The following SLC14A2 variants were observed in gnomAD, a reference collection of about 807,000 sequenced individuals.
SLC14A2 encodes urea transporter 2.
Under a neutral mutation model 104.6 loss-of-function variants are expected in SLC14A2, and 91 were observed. That is an observed-to-expected ratio of 0.87 (90% CI 0.73 to 1.04). SLC14A2 has a LOEUF of 1.04. Among genes scored for constraint, SLC14A2 ranks in the 50% least tolerant of loss-of-function variants. The pLI is 0.00. For missense variants in SLC14A2, 1,189 were observed against 1,156.0 expected (o/e 1.03, Z -0.41); for synonymous variants, 476 against 466.4 (o/e 1.02, Z -0.27).
intron 1 of SLC14A2, among the ~76,000 whole-genome samples, chr18:45,464,990 G>A (rs910484409): frequency 6.6e-6 from 1 of 152,184 alleles, no homozygotes; most frequent in Non-Finnish European, 1.5e-5. Context: ...AGGCAGGAGA[G>A]AAGTAGGGAA....
chr18:45,197,178 G>C, the SLC14A2 span, among the ~76,000 whole-genome samples: 1 of 152,284 alleles, frequency 6.6e-6, no homozygotes, highest in Non-Finnish European at 1.5e-5. Flanking sequence ...CTTAAGCTGG[G>C]AGTTAGTCTA....
At chr18:45,327,587 A>G (rs2085248826) in intron 1 of SLC14A2, among the ~76,000 whole-genome samples, 1 of 152,176 alleles carries the variant, frequency 6.6e-6, no homozygotes, top group South Asian at 2.1e-4. Flanking sequence ...CTCTGTCTCT[A>G]TGAATTTGAC....
intron 1 of SLC14A2, among the ~76,000 whole-genome samples, chr18:45,385,021 G>T (rs2085879335): frequency 1.3e-5 from 2 of 152,212 alleles, no homozygotes; most frequent in Non-Finnish European, 2.9e-5. Flanking sequence ...AAATGGGATA[G>T]TTGGATGTCG....
chr18:45,396,087 C>CT (rs1491400477), intron 1 of SLC14A2, among the ~76,000 whole-genome samples: 3 of 152,178 alleles, frequency 2.0e-5, no homozygotes, highest in African/African-American at 7.2e-5. Context: ...CATTCTTAAT[C>CT]TTTTTTTCAT....
rs1396421193 is a variant in SLC14A2, at chr18:45,252,735, A to AGTTAGATGT, written c.-125+39545_-125+39553dup. On this transcript the variant is annotated intron_variant, in intron 1 of 20. Transcript: ENST00000586448. The stretch of plus-strand genomic sequence containing the variant: ...TCAATTTGAGAGACATTAAAATCAA[A>AGTTAGATGT]GTTAGATGTTTCACTTCTAATTTTA... 1.1e-4 allele frequency among the ~76,000 whole-genome samples: 17 copies of AGTTAGATGT among 151,912 alleles called. 1 individual carries two copies. Among genetic ancestry groups the AGTTAGATGT allele is most frequent in the Non-Finnish European group, 8.8e-5 (6 of 67,956 alleles).
At chr18:45,275,559 C>T (rs1192065532) in intron 1 of SLC14A2, among the ~76,000 whole-genome samples, 1 of 152,114 alleles carries the variant, frequency 6.6e-6, no homozygotes, top group African/African-American at 2.4e-5. Flanking sequence ...CTTTTTAAGT[C>T]GGGGATGAAG....
chr18:45,603,346 C>T (rs2144417742), intron 2 of SLC14A2, among the ~76,000 whole-genome samples: 1 of 151,994 alleles, frequency 6.6e-6, no homozygotes, highest in African/African-American at 2.4e-5. Flanking sequence ...GTGTGGTTTC[C>T]CAGAGAGTGG....
intron 1 of SLC14A2, among the ~76,000 whole-genome samples, chr18:45,351,340 A>T (rs779130933): frequency 2.2e-4 from 33 of 151,932 alleles, no homozygotes; most frequent in Non-Finnish European, 3.7e-4. Context: ...TTTCTATTCC[A>T]CTTATGCACC....
intron 11 of SLC14A2, among the ~76,000 whole-genome samples, chr18:45,665,426 A>G (rs1479559617): frequency 6.6e-6 from 1 of 152,202 alleles, no homozygotes; most frequent in Non-Finnish European, 1.5e-5. Context: ...TTAGATCCAC[A>G]TTGCAAGAGT....
At chr18:45,632,532 G>A in intron 5 of SLC14A2, 54 bp downstream of exon 5, 1 of 1,596,196 alleles carries the variant, frequency 6.3e-7, no homozygotes, top group Non-Finnish European at 8.5e-7. Flanking sequence ...CAAGACACTT[G>A]TGTCTTATAC....
chr18:45,384,718 T>A (rs991706430), intron 1 of SLC14A2, among the ~76,000 whole-genome samples: 5 of 151,884 alleles, frequency 3.3e-5, no homozygotes, highest in Non-Finnish European at 7.4e-5. Context: ...AGTGGTGACC[T>A]GTCTTGCATC....
intron 1 of SLC14A2, among the ~76,000 whole-genome samples, chr18:45,285,030 C>CA (rs35889367): frequency 0.22 from 31,587 of 142,952 alleles, 5,451 homozygotes; most frequent in African/African-American, 0.49. Context: ...CAGGTTTGCA[C>CA]AAAAAAAAAA....
chr18:45,202,670 C>T, the SLC14A2 span, among the ~76,000 whole-genome samples: 1 of 152,140 alleles, frequency 6.6e-6, no homozygotes. Flanking sequence ...CAGCCTGGTT[C>T]TCTCTCAAAG....
At chr18:45,633,299 AC>A (rs1385176256) in intron 5 of SLC14A2, among the ~76,000 whole-genome samples, 1 of 152,222 alleles carries the variant, frequency 6.6e-6, no homozygotes, top group Non-Finnish European at 1.5e-5. Context: ...CGTAACCAAG[AC>A]CTAAAAGCTG....
At chr18:45,350,353 A>T (rs1336547324) in intron 1 of SLC14A2, among the ~76,000 whole-genome samples, 1 of 152,218 alleles carries the variant, frequency 6.6e-6, no homozygotes, top group Admixed American at 6.5e-5. Flanking sequence ...CATGGCTCAG[A>T]TACAGTTGAT....
chr18:45,616,707 A>T (rs1356448153), intron 1 of SLC14A2, among the ~76,000 whole-genome samples: 1 of 152,220 alleles, frequency 6.6e-6, no homozygotes, highest in African/African-American at 2.4e-5. Context: ...AATAATTGCA[A>T]CTGATGGAAT....
intron 1 of SLC14A2, 51 bp from the exon 2 acceptor site, chr18:45,624,580 C>T: frequency 7.0e-7 from 1 of 1,429,044 alleles, no homozygotes; most frequent in Admixed American, 2.0e-5. Context: ...CAGCCAAGTC[C>T]CTCTGGGCCC....
At chr18:45,186,257 G>C in the SLC14A2 span, among the ~76,000 whole-genome samples, 1 of 152,140 alleles carries the variant, frequency 6.6e-6, no homozygotes, top group African/African-American at 2.4e-5. Context: ...TATAATACTG[G>C]TTTAAAGATA....
chr18:45,325,207 G>A (rs1427514711), intron 1 of SLC14A2, among the ~76,000 whole-genome samples: 1 of 152,178 alleles, frequency 6.6e-6, no homozygotes, highest in Non-Finnish European at 1.5e-5. Flanking sequence ...GAAGTCAACG[G>A]GTGAGTCTCA....
Sources: gnomAD v4.1 joint callset for allele counts (sites outside exome capture counted in the v4.1 genomes callset) on GRCh38, gnomAD v4.1.1 for gene constraint, MANE v1.5 for transcripts, NCBI Gene and HGNC (gene_info 2026-07-23, HGNC 2026-07-21) for gene names.